DIAPH2: variants seen among roughly 807,000 people sequenced by gnomAD.
DIAPH2 encodes protein diaphanous homolog 2.
In DIAPH2, 35 loss-of-function variants were observed where a neutral mutation model predicts 92.7. That is an observed-to-expected ratio of 0.38 (90% confidence interval 0.29 to 0.50). The LOEUF (loss-of-function observed/expected upper bound fraction) is 0.50. DIAPH2 is among the 20% of genes least tolerant of loss of function. The pLI, the probability that DIAPH2 is intolerant of heterozygous loss-of-function variation, is 0.94. For synonymous variants in DIAPH2, 301 were observed against 280.4 expected (o/e 1.07, Z -0.73); for missense variants, 701 against 819.5 (o/e 0.86, Z 1.77).
chrX:97,409,745 A>G lies in DIAPH2; in HGVS notation c.3146-19905A>G, dbSNP rs186248691. 2.0e-3 allele frequency among the ~76,000 whole-genome samples: 226 copies of G among 112,376 alleles called. 6 individuals are homozygous for G. The Admixed American group carries it at 0.02, about 10-fold the overall frequency. Reference sequence around the variant, plus strand: ...TCCCGTGCCTGGCTCAGCGGGCCCCACGCTCACGGAGCCTTGCTTACTGCT... The same window carrying G: ...TCCCGTGCCTGGCTCAGCGGGCCCCGCGCTCACGGAGCCTTGCTTACTGCT... On this transcript the variant is annotated intron_variant, in intron 25 of 26. Coordinates refer to ENST00000324765, the MANE Select transcript of DIAPH2 (RefSeq NM_006729.5).
intron 22 of DIAPH2, among the ~76,000 whole-genome samples, chrX:97,215,772 A>T (rs1424106304): frequency 8.9e-6 from 1 of 112,081 alleles, no homozygotes; most frequent in East Asian, 2.8e-4. Context: ...GCATTTGCCT[A>T]TATAGACACC....
rs185079982 is a variant in DIAPH2 at position 96,744,140 on chromosome X, C to T, written c.342+5378C>T. Among the ~76,000 whole-genome samples, 15 of 112,165 alleles carry T rather than the reference C, an allele frequency of 1.3e-4. No homozygotes were observed. The East Asian group carries it at 3.4e-3, about 25-fold the overall frequency. On this transcript the variant is annotated intron_variant, in intron 3 of 26. Coordinates refer to ENST00000324765, the MANE Select transcript of DIAPH2 (RefSeq NM_006729.5). ...AAGTCTACTTATACCCTGAATATTG[C>T]GTATTTTCTATATTAGTTTGACGGT...
chrX:97,237,045 G>A (rs1341793940), intron 22 of DIAPH2, among the ~76,000 whole-genome samples: 1 of 111,565 alleles, frequency 9.0e-6, no homozygotes, highest in African/African-American at 3.3e-5. Context: ...CTCAATTATT[G>A]TAGTTCACAA....
chrX:96,897,697 A>G (rs1345693012), intron 5 of DIAPH2, among the ~76,000 whole-genome samples: 1 of 110,722 alleles, frequency 9.0e-6, no homozygotes, highest in South Asian at 3.8e-4. Flanking sequence ...AACAATTAAA[A>G]AAAATTTTTT....
At chrX:97,307,920 A>G (rs1236257657) in intron 23 of DIAPH2, among the ~76,000 whole-genome samples, 1 of 109,050 alleles carries the variant, frequency 9.2e-6, no homozygotes, top group Non-Finnish European at 1.9e-5. Flanking sequence ...AAAAAAAAAA[A>G]AAAAAAGAAA....
chrX:97,540,872 C>T (rs1368093915), intron 26 of DIAPH2, among the ~76,000 whole-genome samples: 1 of 111,648 alleles, frequency 9.0e-6, no homozygotes. Flanking sequence ...CTTTGTTAAT[C>T]ATCAGTTATA....
intron 4 of DIAPH2, among the ~76,000 whole-genome samples, chrX:96,828,645 G>A (rs2064830664): frequency 9.0e-6 from 1 of 111,624 alleles, no homozygotes; most frequent in Admixed American, 9.5e-5. Context: ...CATCATCCAT[G>A]GATACTAGTG....
rs982859596 is a variant in DIAPH2, at chrX:97,301,781, C to T, written c.2845-46335C>T. 4.5e-5 allele frequency among the ~76,000 whole-genome samples: 5 copies of T among 111,610 alleles called. No homozygotes were observed. The Admixed American group carries it at 4.8e-4, about 11-fold the overall frequency. The stretch of plus-strand genomic sequence containing the variant: ...GCTGATTTACATTCTTGCGCCAGCT[C>T]CTTATCTCATAGTAGATCAGGCGTT... On this transcript the variant is annotated intron_variant, in intron 23 of 26. Transcript: ENST00000324765.
chrX:97,211,217 A>G (rs748486731), intron 22 of DIAPH2, among the ~76,000 whole-genome samples: 6 of 111,723 alleles, frequency 5.4e-5, no homozygotes, highest in African/African-American at 2.0e-4. Flanking sequence ...CTCATTTGAA[A>G]AGAAACATTT....
intron 22 of DIAPH2, among the ~76,000 whole-genome samples, chrX:97,238,329 A>G (rs968964952): frequency 8.9e-6 from 1 of 112,049 alleles, no homozygotes; most frequent in Admixed American, 9.5e-5. Flanking sequence ...TACTTAGCGA[A>G]GTTTTAAGAG....
intron 4 of DIAPH2, among the ~76,000 whole-genome samples, chrX:96,852,210 C>G (rs1030816766): frequency 8.9e-6 from 1 of 112,099 alleles, no homozygotes; most frequent in Admixed American, 9.5e-5. Flanking sequence ...AGAAAAACAA[C>G]TTTTGAAATC....
chrX:97,022,659 A>G (rs1257534638), intron 17 of DIAPH2, among the ~76,000 whole-genome samples: 1 of 112,340 alleles, frequency 8.9e-6, no homozygotes, highest in Non-Finnish European at 1.9e-5. Context: ...ACATCAAAAA[A>G]TTATTGTCAT....
At chrX:97,281,743 C>CAA (rs768094230) in intron 23 of DIAPH2, among the ~76,000 whole-genome samples, 4 of 76,037 alleles carry the variant, frequency 5.3e-5, no homozygotes, top group East Asian at 4.1e-4. Context: ...GACTCCGTCT[C>CAA]AAAAAAAAAA....
intron 23 of DIAPH2, among the ~76,000 whole-genome samples, chrX:97,271,986 T>G (rs970878222): frequency 9.0e-6 from 1 of 110,648 alleles, no homozygotes; most frequent in African/African-American, 3.3e-5. Flanking sequence ...AAAATAATAA[T>G]GCCCATGTTA....
intron 7 of DIAPH2, 151 bp from the exon 8 acceptor site, chrX:96,916,287 C>A: frequency 2.1e-6 from 1 of 476,623 alleles, no homozygotes; most frequent in Non-Finnish European, 3.1e-6. Flanking sequence ...AAAACAAAGA[C>A]AGATAACTGC....
At chrX:97,315,313 A>G (rs984222157) in intron 23 of DIAPH2, among the ~76,000 whole-genome samples, 1 of 111,879 alleles carries the variant, frequency 8.9e-6, no homozygotes, top group Non-Finnish European at 1.9e-5. Flanking sequence ...CTGGCTCTTG[A>G]AACAACAAAA....
At chrX:97,168,188 G>A (rs1244125268) in intron 22 of DIAPH2, among the ~76,000 whole-genome samples, 1 of 107,983 alleles carries the variant, frequency 9.3e-6, no homozygotes, top group Non-Finnish European at 1.9e-5. Context: ...GGTTTCAAGC[G>A]ATTCTCCTAC....
chrX:97,235,619 A>G lies in DIAPH2; in HGVS notation c.2720-12096A>G, dbSNP rs997466487. ...ACTACGTCAAAAAAAAAAAAAAAAA[A>G]AAAAGAAAGAAATTTTATCAATTTA... On this transcript the variant is annotated intron_variant, in intron 22 of 26. Coordinates refer to ENST00000324765, the MANE Select transcript of DIAPH2 (RefSeq NM_006729.5). 6.4e-5 allele frequency among the ~76,000 whole-genome samples: 7 copies of G among 109,393 alleles called. No individual in the cohort carries two copies. In the South Asian group the frequency reaches 1.6e-3, roughly 24 times the overall value. The allele number at this position is 109,393 out of a possible 115,157, so 95.0% of individuals were successfully genotyped here.
chrX:97,377,603 G>A (rs1953065478), intron 24 of DIAPH2, among the ~76,000 whole-genome samples: 1 of 111,789 alleles, frequency 8.9e-6, no homozygotes, highest in Non-Finnish European at 1.9e-5. Context: ...TAAGTAAATG[G>A]CCCAAGGGCA....
Sources: allele counts gnomAD v4.1 joint callset (sites outside exome capture counted in the v4.1 genomes callset), GRCh38; gene constraint gnomAD v4.1.1; transcripts MANE v1.5; gene names NCBI Gene and HGNC (gene_info 2026-07-23, HGNC 2026-07-21).